Variants in ARHGAP21 observed in about 807,000 individuals in gnomAD.
The protein encoded by ARHGAP21 is rho GTPase-activating protein 21.
A neutral mutation model predicts 164.6 loss-of-function variants in ARHGAP21; 38 were observed. That is an observed-to-expected ratio of 0.23 (90% CI 0.18 to 0.30). The LOEUF (loss-of-function observed/expected upper bound fraction) is 0.30. Among genes scored for constraint, ARHGAP21 ranks in the 10% least tolerant of loss-of-function variants. The pLI is 1.00. For synonymous variants in ARHGAP21, 766 were observed against 857.9 expected (o/e 0.89, Z 1.87); for missense variants, 1,822 against 2,370.7 (o/e 0.77, Z 4.81).
intron 24 of ARHGAP21, chr10:24,590,964 C>G (rs375816798): frequency 7.8e-6 from 6 of 769,706 alleles, no homozygotes; most frequent in Middle Eastern, 6.7e-4. Context: ...AAAAAAAGAA[C>G]AAAACAGTGG....
At chr10:24,617,019 T>G (rs1461585703) in intron 9 of ARHGAP21, among the ~76,000 whole-genome samples, 1 of 152,192 alleles carries the variant, frequency 6.6e-6, no homozygotes, top group Non-Finnish European at 1.5e-5. Flanking sequence ...TGCAGACTGG[T>G]ACTGGTCCAT....
chr10:24,688,191 G>C (rs1279579445), intron 2 of ARHGAP21, among the ~76,000 whole-genome samples: 1 of 152,178 alleles, frequency 6.6e-6, no homozygotes, highest in Admixed American at 6.5e-5. Context: ...AGAAGTTCGA[G>C]GCCAGCCTGG....
At chr10:24,656,116 A>G (rs1302158376) in intron 4 of ARHGAP21, among the ~76,000 whole-genome samples, 50 of 141,696 alleles carry the variant, frequency 3.5e-4, no homozygotes, top group African/African-American at 1.2e-3. Flanking sequence ...CCATCTGGGA[A>G]GTGAGGAGTG....
chr10:24,603,417 G>T (rs963241991), intron 12 of ARHGAP21, among the ~76,000 whole-genome samples: 1 of 152,202 alleles, frequency 6.6e-6, no homozygotes, highest in Admixed American at 6.5e-5. Flanking sequence ...CTGAGAAGAA[G>T]TAGAAACTAT....
At chr10:24,633,784 T>C (rs1243195268) in intron 5 of ARHGAP21, among the ~76,000 whole-genome samples, 1 of 151,952 alleles carries the variant, frequency 6.6e-6, no homozygotes, top group Non-Finnish European at 1.5e-5. Flanking sequence ...TCAAAAGGTC[T>C]AGTTACCAGG....
In ARHGAP21 at chr10:24,622,714, G is replaced by A; in HGVS notation, c.525+19C>T. 6.2e-7 allele frequency: 1 copy of A among 1,603,844 alleles called. No homozygotes were observed. The highest frequency in any genetic ancestry group is 8.5e-7 in the Non-Finnish European group (1 of 1,176,118). On this transcript the variant is annotated intron_variant, in intron 8 of 25. Coordinates refer to ENST00000396432, the MANE Select transcript of ARHGAP21 (RefSeq NM_020824.4). ...ACATGACTTAAAAAGCAAGGAAATG[G>A]CTACTGTGCATTTCTTACCAGTGCT...
At chr10:24,692,572 A>G (rs1842839966) in intron 2 of ARHGAP21, among the ~76,000 whole-genome samples, 1 of 152,176 alleles carries the variant, frequency 6.6e-6, no homozygotes, top group Non-Finnish European at 1.5e-5. Context: ...TGGCTCACGC[A>G]TATAATCCCG....
intron 4 of ARHGAP21, among the ~76,000 whole-genome samples, chr10:24,660,324 C>T (rs909744068): frequency 7.4e-6 from 1 of 134,338 alleles, no homozygotes; most frequent in African/African-American, 2.8e-5. Context: ...TTTGAGGCTG[C>T]AGTGAGCTAT....
chr10:24,679,370 G>C (rs1428059953), intron 2 of ARHGAP21, among the ~76,000 whole-genome samples: 1 of 152,146 alleles, frequency 6.6e-6, no homozygotes, highest in Non-Finnish European at 1.5e-5. Flanking sequence ...CTTTTTTATA[G>C]GGGCATGAAT....
At chr10:24,675,550 A>G (rs1841133728) in intron 2 of ARHGAP21, among the ~76,000 whole-genome samples, 1 of 152,222 alleles carries the variant, frequency 6.6e-6, no homozygotes, top group African/African-American at 2.4e-5. Flanking sequence ...TACAGTTTAC[A>G]CATGTACAGT....
intron 4 of ARHGAP21, among the ~76,000 whole-genome samples, chr10:24,664,863 C>A (rs886192740): frequency 3.9e-5 from 6 of 152,024 alleles, no homozygotes; most frequent in Non-Finnish European, 8.8e-5. Context: ...TCTAGTTTTC[C>A]CTTATAAATA....
chr10:24,660,386 T>TAAAAAAAAAAAAA (rs56053080), intron 4 of ARHGAP21, among the ~76,000 whole-genome samples: 3 of 60,066 alleles, frequency 5.0e-5, no homozygotes, highest in African/African-American at 1.9e-4. Context: ...CTCTCTCTCT[T>TAAAAAAAAAAAAA]AAAAAAAAAA....
At chr10:24,689,515 G>A (rs1015251826) in intron 2 of ARHGAP21, among the ~76,000 whole-genome samples, 3 of 152,068 alleles carry the variant, frequency 2.0e-5, no homozygotes, top group Admixed American at 6.6e-5. Flanking sequence ...CAAGGTGGGC[G>A]GATCGCCAGA....
intron 4 of ARHGAP21, among the ~76,000 whole-genome samples, chr10:24,641,622 T>C (rs1051699895): frequency 6.6e-6 from 1 of 152,224 alleles, no homozygotes; most frequent in African/African-American, 2.4e-5. Context: ...ATAAGAAAGT[T>C]TGTTTAATAT....
intron 7 of ARHGAP21, among the ~76,000 whole-genome samples, chr10:24,625,052 G>GT (rs1834966711): frequency 1.5e-5 from 1 of 67,858 alleles, no homozygotes; most frequent in Non-Finnish European, 2.8e-5. Flanking sequence ...CTAAAAAGTG[G>GT]GGGGGGGGGG....
chr10:24,604,371 A>G lies in ARHGAP21; in HGVS notation c.2685-23T>C, dbSNP rs199816578. 185 of 1,546,916 alleles carry G rather than the reference A, an allele frequency of 1.2e-4. 1 individual carries two copies. Among genetic ancestry groups the G allele is most frequent in the Non-Finnish European group, 1.8e-5 (20 of 1,137,646 alleles). On this transcript the variant is annotated intron_variant, in intron 11 of 25. Coordinates refer to ENST00000396432, the MANE Select transcript of ARHGAP21 (RefSeq NM_020824.4). ...GACCTGTTGGGGAAAAAATATATAA[A>G]TATTTTCAATTAGTGCAAAAAAAAT...
chr10:24,712,218 G>A (rs10764488), intron 2 of ARHGAP21, among the ~76,000 whole-genome samples: 74,740 of 151,864 alleles, frequency 0.49, 18,602 homozygotes, highest in Middle Eastern at 0.54. Flanking sequence ...ACCTGGCCAA[G>A]TTAAGGATCT....
Position 24,702,911 on chromosome 10 carries a change from C to A in ARHGAP21, c.63+18926G>T, listed in dbSNP as rs1304332500. 2.0e-5 allele frequency among the ~76,000 whole-genome samples: 3 copies of A among 152,118 alleles called. No individual in the cohort carries two copies. The East Asian group carries it at 5.8e-4, about 29-fold the overall frequency. Reference sequence around the variant, plus strand: ...ACAGTTTAAAACACAAAGATATTCACCACACATTATAAGAGCAGAACACTG... The same window carrying A: ...ACAGTTTAAAACACAAAGATATTCAACACACATTATAAGAGCAGAACACTG... On this transcript the variant is annotated intron_variant, in intron 2 of 25. Transcript: ENST00000396432.
At chr10:24,659,574 C>CA (rs1403149060) in intron 4 of ARHGAP21, among the ~76,000 whole-genome samples, 1 of 152,206 alleles carries the variant, frequency 6.6e-6, no homozygotes, top group African/African-American at 2.4e-5. Context: ...CTCGGCCTCC[C>CA]AAAGTGCTGG....
Sources: gnomAD v4.1 joint callset for allele counts (sites outside exome capture counted in the v4.1 genomes callset) on GRCh38, gnomAD v4.1.1 for gene constraint, MANE v1.5 for transcripts, NCBI Gene and HGNC (gene_info 2026-07-23, HGNC 2026-07-21) for gene names.